ITPR2: variants seen among roughly 807,000 people sequenced by gnomAD.
ITPR2 encodes the protein inositol 1,4,5-trisphosphate-gated calcium channel ITPR2.
A neutral mutation model predicts 317.1 loss-of-function variants in ITPR2; 207 were observed. The ratio of observed to expected loss-of-function variants is 0.65; its 90% CI spans 0.58 to 0.73. ITPR2 has a LOEUF of 0.73. ITPR2 is among the 30% of genes least tolerant of loss of function. The probability of loss-of-function intolerance (pLI) is 0.00; values close to 1 mark genes in which losing one functional copy is unlikely to be tolerated. For missense variants in ITPR2, 2,613 were observed against 3,284.0 expected (o/e 0.80, Z 4.99); for synonymous variants, 1,156 against 1,149.1 (o/e 1.01, Z -0.12).
At chr12:26,548,386 A>AG (rs1048949939) in intron 37 of ITPR2, among the ~76,000 whole-genome samples, 7 of 152,034 alleles carry the variant, frequency 4.6e-5, no homozygotes, top group African/African-American at 1.7e-4. Context: ...GGACAAATGG[A>AG]GGGCCTGGAA....
At position 26,654,759 on chromosome 12, in the gene ITPR2, A is replaced by G. The variant is rs1163528743; in HGVS notation, c.2590-633T>C. Among the ~76,000 whole-genome samples the G allele has an allele frequency of 2.6e-5, 4 of 152,306 alleles. No homozygotes were observed. In the East Asian group the frequency reaches 7.7e-4, roughly 29 times the overall value. On this transcript the variant is annotated intron_variant, in intron 20 of 56. Transcript: ENST00000381340. ...CAGGTACCATGTCATGAGGACACCC[A>G]GGCAGCCTACAGAAAGGCCCACATG... is the stretch of plus-strand genomic sequence containing the variant.
intron 21 of ITPR2, among the ~76,000 whole-genome samples, chr12:26,635,626 T>C (rs1436549595): frequency 1.3e-5 from 2 of 152,244 alleles, no homozygotes; most frequent in African/African-American, 4.8e-5. Flanking sequence ...ATATTTTTAA[T>C]AGTTGGATTT....
At chr12:26,762,270 A>G (rs183994733) in intron 2 of ITPR2, among the ~76,000 whole-genome samples, 1 of 152,362 alleles carries the variant, frequency 6.6e-6, no homozygotes, top group Non-Finnish European at 1.5e-5. Flanking sequence ...GATTAACTAT[A>G]AAGAGATCAT....
intron 16 of ITPR2, among the ~76,000 whole-genome samples, chr12:26,658,363 TATTTA>T (rs1592006115): frequency 6.6e-6 from 1 of 152,250 alleles, no homozygotes; most frequent in African/African-American, 2.4e-5. Context: ...TGTTTGCTTC[TATTTA>T]TTTTATGATA....
chr12:26,443,714 C>T (rs1277838088), intron 45 of ITPR2, 64 bp from the exon 46 acceptor site: 2 of 1,274,068 alleles, frequency 1.6e-6, no homozygotes, highest in African/African-American at 1.5e-5. Flanking sequence ...TCAAACTTTG[C>T]AATATCTTTG....
intron 46 of ITPR2, among the ~76,000 whole-genome samples, chr12:26,442,517 C>T (rs1383861994): frequency 6.6e-6 from 1 of 152,154 alleles, no homozygotes; most frequent in Non-Finnish European, 1.5e-5. Flanking sequence ...ACTCTATTTG[C>T]TATTCCCTGG....
chr12:26,442,738 A>C (rs1192477858), intron 46 of ITPR2, among the ~76,000 whole-genome samples: 1 of 152,166 alleles, frequency 6.6e-6, no homozygotes, highest in Non-Finnish European at 1.5e-5. Flanking sequence ...CAAAGGTTTG[A>C]CAATAGTAAA....
chr12:26,724,290 A>G (rs1319839026), intron 4 of ITPR2, among the ~76,000 whole-genome samples: 1 of 152,192 alleles, frequency 6.6e-6, no homozygotes, highest in Non-Finnish European at 1.5e-5. Context: ...GAAAGTGAAA[A>G]CTTTTCTCTC....
intron 21 of ITPR2, among the ~76,000 whole-genome samples, chr12:26,642,964 G>A (rs1947028121): frequency 6.6e-6 from 1 of 152,150 alleles, no homozygotes; most frequent in Non-Finnish European, 1.5e-5. Flanking sequence ...CGAAATTCAT[G>A]CATTGAGATA....
At chr12:26,636,260 T>A (rs1013920348) in intron 21 of ITPR2, among the ~76,000 whole-genome samples, 1 of 152,202 alleles carries the variant, frequency 6.6e-6, no homozygotes, top group Non-Finnish European at 1.5e-5. Context: ...AGAACTTCCA[T>A]CACTCTCAAT....
At chr12:26,529,250 G>A (rs987762514) in intron 37 of ITPR2, among the ~76,000 whole-genome samples, 1 of 152,122 alleles carries the variant, frequency 6.6e-6, no homozygotes, top group Admixed American at 6.6e-5. Flanking sequence ...CAACATCAAA[G>A]TCCTTACCAT....
At chr12:26,605,280 C>T (rs939966036) in intron 26 of ITPR2, among the ~76,000 whole-genome samples, 1 of 151,544 alleles carries the variant, frequency 6.6e-6, no homozygotes, top group African/African-American at 2.4e-5. Context: ...CATTTGATAG[C>T]AAAAATAGTT....
intron 55 of ITPR2, among the ~76,000 whole-genome samples, chr12:26,381,890 T>C (rs1939520409): frequency 6.6e-6 from 1 of 152,192 alleles, no homozygotes; most frequent in Non-Finnish European, 1.5e-5. Context: ...TCCTGCTATT[T>C]TTCAAATTAA....
At chr12:26,783,618 A>C (rs1950135074) in intron 2 of ITPR2, among the ~76,000 whole-genome samples, 2 of 152,234 alleles carry the variant, frequency 1.3e-5, no homozygotes, top group Non-Finnish European at 2.9e-5. Flanking sequence ...AAGCAAAAGA[A>C]TATAAAATCA....
At chr12:26,674,387 C>G (rs1394848141) in intron 13 of ITPR2, among the ~76,000 whole-genome samples, 1 of 152,098 alleles carries the variant, frequency 6.6e-6, no homozygotes, top group African/African-American at 2.4e-5. Context: ...TCAGAAATAA[C>G]ACCGCATATC....
At chr12:26,411,482 C>A in intron 51 of ITPR2, 70 bp from the exon 52 acceptor site, 1 of 1,044,150 alleles carries the variant, frequency 9.6e-7, no homozygotes, top group Non-Finnish European at 1.4e-6. Flanking sequence ...ACCTACAGTT[C>A]TAAAGATATG....
chr12:26,509,545 C>CA lies in ITPR2; in HGVS notation c.5074-14286dup, dbSNP rs67936731. Among the ~76,000 whole-genome samples the CA allele has an allele frequency of 2.3e-4, 8 of 35,472 alleles. No homozygotes were observed. In the East Asian group the frequency reaches 3.0e-3, roughly 13 times the overall value. The allele number at this position is 35,472 out of a possible 152,430, so 23.3% of individuals were successfully genotyped here. A position where few individuals can be genotyped will look rare whatever the true frequency, so the allele number is the denominator to read the frequency against. ...TTGCTAAGCAGCTGAGCTGCTATTT[C>CA]ATAAAGTTCTGCATTTAGGTGCATC... On this transcript the variant is annotated intron_variant, in intron 37 of 56. Transcript: ENST00000381340.
intron 45 of ITPR2, among the ~76,000 whole-genome samples, chr12:26,448,021 C>T (rs1359471204): frequency 7.1e-6 from 1 of 141,840 alleles, no homozygotes; most frequent in Non-Finnish European, 1.5e-5. Flanking sequence ...AAAAACCCAG[C>T]ATCCAAAGCA....
chr12:26,791,395 G>A (rs1467202147), intron 1 of ITPR2, among the ~76,000 whole-genome samples: 1 of 151,886 alleles, frequency 6.6e-6, no homozygotes, highest in Non-Finnish European at 1.5e-5. Flanking sequence ...AAGAAGAAGA[G>A]GAAGTATTAA....
Sources: allele counts gnomAD v4.1 joint callset (sites outside exome capture counted in the v4.1 genomes callset), GRCh38; gene constraint gnomAD v4.1.1; transcripts MANE v1.5; gene names NCBI Gene and HGNC (gene_info 2026-07-23, HGNC 2026-07-21).